APC2: variants seen among roughly 807,000 people sequenced by gnomAD.
The protein encoded by APC2 is APC regulator of Wnt signaling pathway 2.
A neutral mutation model predicts 72.5 loss-of-function variants in APC2; 41 were observed. The observed-to-expected ratio is 0.57, with a 90% CI of 0.44 to 0.73. APC2 has a LOEUF of 0.73. Ranked by LOEUF, APC2 falls within the 30% of genes least tolerant of loss-of-function variation. APC2 has a pLI of 0.00. For synonymous variants in APC2, 1,898 were observed against 1,612.0 expected (o/e 1.18, Z -4.25); for missense variants, 3,729 against 3,403.4 (o/e 1.10, Z -2.38).
At chr19:1,464,771 TA>T (rs2083979715) in intron 14 of APC2, among the ~76,000 whole-genome samples, 1 of 150,766 alleles carries the variant, frequency 6.6e-6, no homozygotes, top group African/African-American at 2.5e-5. Flanking sequence ...TGGCTGGGAT[TA>T]CAGGTGCTCG....
rs760343669 is a variant in APC2 at position 1,457,184 on chromosome 19, C to G, written c.1148C>G (p.Thr383Ser). The change falls in exon 9 of 15, where the codon ACC becomes AGC. Residue 383 changes from threonine (T) to serine (S), a missense_variant. By Grantham distance (58) the Thr-to-Ser change is moderately conservative (BLOSUM62 1). Coordinates refer to ENST00000590469, the MANE Select transcript of APC2 (RefSeq NM_005883.3). Reference protein sequence around the residue: ...VLEQIRAYCETCWDWLQARDG... With the variant: ...VLEQIRAYCESCWDWLQARDG... ...GAGCAGATCCGGGCCTACTGCGAGA[C>G]CTGCTGGGACTGGCTGCAGGCCCGA... 2.5e-6 allele frequency: 4 copies of G among 1,570,828 alleles called. No homozygotes were observed. The highest frequency in any genetic ancestry group is 3.4e-6 in the Non-Finnish European group (4 of 1,160,918).
Position 1,456,154 on chromosome 19 carries a change from G to C in APC2, c.717+1G>C. On this transcript the variant is annotated splice_donor_variant, in intron 7 of 14. Transcript: ENST00000590469. LOFTEE classifies it high-confidence loss of function. ...CCGAGTGCAGCAGACGGAGCCCCAG[G>C]TACCGGGTGGGGCAGAGCCAGGGAC... 6.3e-7 allele frequency: 1 copy of C among 1,585,828 alleles called. No homozygotes were observed. The highest frequency in any genetic ancestry group is 8.6e-7 in the Non-Finnish European group (1 of 1,168,504).
intron 13 of APC2, chr19:1,461,538 G>A: frequency 5.8e-6 from 2 of 342,778 alleles, no homozygotes; most frequent in Non-Finnish European, 1.1e-5. Flanking sequence ...GGGCCACAGA[G>A]CAAGACTGCG....
In APC2 at chr19:1,457,068, C is replaced by G; in HGVS notation, c.1032C>G (p.Arg344=). The G allele has an allele frequency of 1.3e-6, 2 of 1,548,660 alleles. No homozygotes were observed. Among genetic ancestry groups the G allele is most frequent in the Non-Finnish European group, 1.7e-6 (2 of 1,154,026 alleles). Residue 344 remains arginine (R), a synonymous_variant, in exon 9 of 15, where the codon CGC becomes CGG. Transcript: ENST00000590469. The part of the protein sequence containing the change: ...APGAPGAKDA[R]MRANAALHNI... ...GGGCACCGGGCGCCAAGGACGCACG[C>G]ATGCGCGCCAACGCGGCGCTGCACA...
intron 13 of APC2, 73 bp downstream of exon 13, chr19:1,461,226 T>C: frequency 7.5e-7 from 1 of 1,335,252 alleles, no homozygotes. Flanking sequence ...GCGGGCGAGC[T>C]CTCCGACTTG....
rs1180351081 is a variant in APC2 at position 1,452,069 on chromosome 19, G to C, written c.-18-915G>C. 6.5e-6 allele frequency: 1 copy of C among 153,116 alleles called. No homozygotes were observed. The highest frequency in any genetic ancestry group is 2.4e-5 in the African/African-American group (1 of 41,390). 9.5% of individuals were successfully genotyped at this position (153,116 alleles called of 1,614,324 possible). On this transcript the variant is annotated intron_variant, in intron 1 of 14. Transcript: ENST00000590469. This position sits in a 1 kb window ranked among gnomAD's most constrained non-coding sequence, Gnocchi z 5.1. ...TTGGTGCGTCTGAGACAAAGGCGGA[G>C]GGAGGAGGCGAGCGCTGATGGGAAA...
Position 1,455,276 on chromosome 19 carries a change from C to T in APC2, c.522+19C>T, listed in dbSNP as rs2083803600. ...GGAGACGGTGAGCCGGCCGGGGAGC[C>T]AGGGGGCAGCGCGCCCGCCCCACTC... On this transcript the variant is annotated intron_variant, in intron 5 of 14. Coordinates refer to ENST00000590469, the MANE Select transcript of APC2 (RefSeq NM_005883.3). The T allele has an allele frequency of 1.9e-6, 3 of 1,564,304 alleles. No homozygotes were observed. In the African/African-American group the frequency reaches 4.1e-5, roughly 22 times the overall value.
chr19:1,446,414 G>T, upstream of APC2: 1 of 971,170 alleles, frequency 1.0e-6, no homozygotes, highest in South Asian at 4.7e-5. This position sits in a 1 kb window ranked among gnomAD's most constrained non-coding sequence, Gnocchi z 6.1. Flanking sequence ...CACACCGCGG[G>T]AACAGCGGGC....
rs1045923731 is a variant in APC2 at position 1,471,117 on chromosome 19, G to A, written c.*904G>A. On this transcript the variant is annotated 3_prime_UTR_variant, in exon 15 of 15. Coordinates refer to ENST00000590469, the MANE Select transcript of APC2 (RefSeq NM_005883.3). ...GGGCGAGGCCAATGGAAAGGAGACT[G>A]AGGGGAGTCCCGGCAGTGAGCCCGA... is the stretch of plus-strand genomic sequence containing the variant. The A allele has an allele frequency of 6.6e-6, 1 of 152,492 alleles. No individual in the cohort carries two copies. 9.4% of individuals were successfully genotyped at this position (152,492 alleles called of 1,614,324 possible). A position where few individuals can be genotyped will look rare whatever the true frequency, so the allele number is the denominator to read the frequency against.
Position 1,466,538 on chromosome 19 carries a change from C to T in APC2, c.3237C>T (p.Ala1079=), listed in dbSNP as rs928713072. ...GCTCCCTTTCCTCGCTGTCCTCGGC[C>T]GGCCGCCCAGGCCCCAGCGAGGGTG... ...RCSSLSSLSS[A]GRPGPSEGGD... The change falls in exon 15 of 15, where the codon GCC becomes GCT. Residue 1079 remains alanine (A), a synonymous_variant. Coordinates refer to ENST00000590469, the MANE Select transcript of APC2 (RefSeq NM_005883.3). 2.5e-6 allele frequency: 4 copies of T among 1,586,482 alleles called. No homozygotes were observed. The highest frequency in any genetic ancestry group is 2.2e-5 in the South Asian group (2 of 89,140).
Position 1,466,079 on chromosome 19 carries a change from C to T in APC2, c.2778C>T (p.Ser926=). The T allele has an allele frequency of 1.3e-6, 2 of 1,527,988 alleles. No individual in the cohort carries two copies. Among genetic ancestry groups the T allele is most frequent in the Non-Finnish European group, 1.7e-6 (2 of 1,146,834 alleles). The allele number at this position is 1,527,988 out of a possible 1,614,324, so 94.7% of individuals were successfully genotyped here. ...CCCACGCCAGCCTCTCCAACGACAG[C>T]CTCAACAGCGGCAGTGCCAGCGACG... is the stretch of plus-strand genomic sequence containing the variant. The part of the protein sequence containing the change: ...KAAHASLSND[S]LNSGSASDGY... Residue 926 remains serine, a synonymous_variant, in exon 15 of 15, where the codon AGC becomes AGT. Transcript: ENST00000590469.
In APC2 at chr19:1,453,512, C is replaced by T. The variant is rs865996650; in HGVS notation, c.314C>T (p.Pro105Leu). The change falls in exon 4 of 15, where the codon CCC (proline) becomes CTC (leucine). Residue 105 changes from proline to leucine, a missense_variant. Coordinates refer to ENST00000590469, the MANE Select transcript of APC2 (RefSeq NM_005883.3). ...TLGPEPAARTPEGSPVHGSGP... is the reference protein window; with the variant it reads ...TLGPEPAARTLEGSPVHGSGP... Reference sequence around the variant, plus strand: ...GGCCCGGAGCCTGCCGCCCGGACCCCCGAGGGCAGCCCAGTACACGGCTCC... The same window carrying T: ...GGCCCGGAGCCTGCCGCCCGGACCCTCGAGGGCAGCCCAGTACACGGCTCC... The T allele has an allele frequency of 3.7e-6, 6 of 1,609,998 alleles. No individual in the cohort carries two copies. Among genetic ancestry groups the T allele is most frequent in the Middle Eastern group, 3.3e-4 (2 of 6,052 alleles).
chr19:1,465,987 C>G lies in APC2; in HGVS notation c.2686C>G (p.Arg896Gly). ...CCGCGCCCAGTCCTGCTCGCCATGC[C>G]GCGGCCCGGAGGGCGGGCGGCGAGA... Reference protein sequence around the residue: ...EGRAQSCSPCRGPEGGRREAG... With the variant: ...EGRAQSCSPCGGPEGGRREAG... Residue 896 changes from arginine to glycine, a missense_variant, in exon 15 of 15, where the codon CGC (arginine) becomes GGC (glycine). Arg to Gly is a moderately radical substitution (Grantham distance 125). Coordinates refer to ENST00000590469, the MANE Select transcript of APC2 (RefSeq NM_005883.3). 1.3e-6 allele frequency: 2 copies of G among 1,522,420 alleles called. No individual in the cohort carries two copies. The highest frequency in any genetic ancestry group is 2.9e-5 in the African/African-American group (2 of 69,330). 94.3% of individuals were successfully genotyped at this position (1,522,420 alleles called of 1,614,324 possible). A position where few individuals can be genotyped will look rare whatever the true frequency, so the allele number is the denominator to read the frequency against.
chr19:1,467,363 G>C lies in APC2; in HGVS notation c.4062G>C (p.Arg1354=), dbSNP rs1180858675. Residue 1354 remains arginine, a synonymous_variant, in exon 15 of 15, where the codon CGG becomes CGC. Coordinates refer to ENST00000590469, the MANE Select transcript of APC2 (RefSeq NM_005883.3). ...GCCTGGGAGCCGCCGTGCCTGCCCG[G>C]CTGCGCAAGGTGGCCTCCGCGCTGG... ...RECLGAAVPA[R]LRKVASALVP... is the part of the protein sequence containing the mutation. The C allele has an allele frequency of 4.8e-6, 7 of 1,472,186 alleles. No homozygotes were observed. Among genetic ancestry groups the C allele is most frequent in the African/African-American group, 1.5e-5 (1 of 68,254 alleles). 91.2% of individuals were successfully genotyped at this position (1,472,186 alleles called of 1,614,324 possible). A position where few individuals can be genotyped will look rare whatever the true frequency, so the allele number is the denominator to read the frequency against.
chr19:1,470,101 C>T lies in APC2; in HGVS notation c.6800C>T (p.Ser2267Leu). ...PASRHGSPSR[S>L]ARVPPFNYVP... is the part of the protein sequence containing the mutation. ...AGCCGGCACGGCTCCCCCAGCCGCT[C>T]GGCCCGAGTACCCCCCTTCAACTAT... Residue 2267 changes from serine to leucine, a missense_variant, in exon 15 of 15, where the codon TCG (serine) becomes TTG (leucine). Physicochemically the swap from Ser to Leu is moderately radical, Grantham distance 145 (BLOSUM62 -2). Transcript: ENST00000590469. 4 of 1,605,388 alleles carry T rather than the reference C, an allele frequency of 2.5e-6. No individual in the cohort carries two copies. The highest frequency in any genetic ancestry group is 2.5e-6 in the Non-Finnish European group (3 of 1,177,684).
At position 1,472,653 on chromosome 19, in the gene APC2, C is replaced by T. The variant is rs1416407698; in HGVS notation, c.*2440C>T. 1 of 150,648 alleles carries T rather than the reference C, an allele frequency of 6.6e-6. No individual in the cohort carries two copies. Among genetic ancestry groups the T allele is most frequent in the South Asian group, 2.1e-4 (1 of 4,770 alleles). The allele number at this position is 150,648 out of a possible 1,614,324, so 9.3% of individuals were successfully genotyped here. A position where few individuals can be genotyped will look rare whatever the true frequency, so the allele number is the denominator to read the frequency against. ...CTTCTCCATCCCCTGCCGTGGGGGC[C>T]ACAGCCACACCTCACCGCCCAGTCC... On this transcript the variant is annotated 3_prime_UTR_variant, in exon 15 of 15. Transcript: ENST00000590469.
rs1699111714 is a variant in APC2, at chr19:1,465,431, C to T, written c.2130C>T (p.Ser710=). 2 of 1,543,590 alleles carry T rather than the reference C, an allele frequency of 1.3e-6. No individual in the cohort carries two copies. Among genetic ancestry groups the T allele is most frequent in the Non-Finnish European group, 1.7e-6 (2 of 1,151,474 alleles). ...ACCAGGCGGCCGCCACCGCCGTGTCCCCAGGCAGCTGCGTGCCCAGCCTGT... is the reference window on the plus strand; with the variant it reads ...ACCAGGCGGCCGCCACCGCCGTGTCTCCAGGCAGCTGCGTGCCCAGCCTGT... ...AKHQAAATAV[S]PGSCVPSLYV... The change falls in exon 15 of 15, where the codon TCC becomes TCT. Residue 710 remains serine, a synonymous_variant. Transcript: ENST00000590469.
intron 14 of APC2, among the ~76,000 whole-genome samples, chr19:1,463,845 T>C (rs917977777): frequency 2.6e-5 from 4 of 152,138 alleles, no homozygotes; most frequent in Non-Finnish European, 5.9e-5. Flanking sequence ...TATTTTTAAT[T>C]GAAGTACATC....
Position 1,454,991 on chromosome 19 carries a change from C to G in APC2, c.414-158C>G, listed in dbSNP as rs547271010. ...CCCAGTTAATTTCAATACCCACCCC[C>G]CCCCCCTTACCCTAGCTCGGGGAGT... On this transcript the variant is annotated intron_variant, in intron 4 of 14. Transcript: ENST00000590469. Among the ~76,000 whole-genome samples, 21 of 141,686 alleles carry G rather than the reference C, an allele frequency of 1.5e-4. No homozygotes were observed. In the South Asian group the frequency reaches 4.1e-3, roughly 28 times the overall value. The allele number at this position is 141,686 out of a possible 152,430, so 93.0% of individuals were successfully genotyped here.
Sources: gnomAD v4.1 joint callset for allele counts (sites outside exome capture counted in the v4.1 genomes callset) on GRCh38, gnomAD v4.1.1 for gene constraint, Gnocchi (gnomAD v3.1) non-coding constraint, MANE v1.5 for transcripts, NCBI Gene and HGNC (gene_info 2026-07-23, HGNC 2026-07-21) for gene names.